The following CLIC5 variants were observed in gnomAD, a reference collection of about 807,000 sequenced individuals.
The protein encoded by CLIC5 is CLIC family member 5, also known as chloride intracellular channel protein 5.
A neutral mutation model predicts 24.7 loss-of-function variants in CLIC5; 20 were observed. The ratio of observed to expected loss-of-function variants is 0.81; its 90% CI spans 0.57 to 1.18. CLIC5 has a LOEUF of 1.18. Among genes scored for constraint, CLIC5 ranks in the 50% most tolerant of loss-of-function variants. The pLI is 0.00. For synonymous variants in CLIC5, 159 were observed against 135.6 expected, an observed-to-expected ratio of 1.17 and a Z score of -1.20; for missense variants, 341 against 326.1, an observed-to-expected ratio of 1.05 and a Z score of -0.35.
At chr6:45,974,927 G>A (rs1189345277) in intron 1 of CLIC5, among the ~76,000 whole-genome samples, 1 of 152,046 alleles carries the variant, frequency 6.6e-6, no homozygotes, top group African/African-American at 2.4e-5. Flanking sequence ...AGGAAGTTTT[G>A]CCTCAAAGTG....
chr6:45,898,362 C>T (rs990554588), downstream of CLIC5: 2 of 147,532 alleles, frequency 1.4e-5, no homozygotes, highest in Admixed American at 6.7e-5. Context: ...ATAAATTAAC[C>T]TTTATGTGGA....
chr6:46,052,283 A>G (rs1464226685), intron 1 of CLIC5, among the ~76,000 whole-genome samples: 1 of 152,232 alleles, frequency 6.6e-6, no homozygotes, highest in East Asian at 1.9e-4. Context: ...CACATTCACC[A>G]GCTCCCAAGC....
At chr6:45,907,315 T>C (rs1382921576) in intron 5 of CLIC5, among the ~76,000 whole-genome samples, 3 of 152,242 alleles carry the variant, frequency 2.0e-5, no homozygotes, top group African/African-American at 7.2e-5. Flanking sequence ...TCTGTTTATG[T>C]GGCGAATAAC....
intron 4 of CLIC5, among the ~76,000 whole-genome samples, chr6:45,925,093 T>C (rs1451749821): frequency 6.6e-6 from 1 of 152,198 alleles, no homozygotes; most frequent in East Asian, 1.9e-4. Flanking sequence ...CTCTACTCTC[T>C]GGACTTCTTG....
chr6:46,019,370 C>A (rs567825032), upstream of CLIC5, among the ~76,000 whole-genome samples: 1 of 152,246 alleles, frequency 6.6e-6, no homozygotes, highest in Non-Finnish European at 1.5e-5. Context: ...GATGGAAAAG[C>A]CCCTGCCATG....
chr6:45,941,468 T>C (rs1457328032), intron 4 of CLIC5, 79 bp downstream of exon 4: 13 of 1,091,098 alleles, frequency 1.2e-5, no homozygotes, highest in East Asian at 2.4e-5. Context: ...GTATTTGACA[T>C]GCCTATGGGC....
chr6:46,056,156 G>A (rs968043587), intron 1 of CLIC5, among the ~76,000 whole-genome samples: 1 of 152,118 alleles, frequency 6.6e-6, no homozygotes, highest in African/African-American at 2.4e-5. Flanking sequence ...AAAGTAATTT[G>A]ACTAAGATCA....
At chr6:46,012,852 GTTTA>G (rs1766854115) in intron 1 of CLIC5, among the ~76,000 whole-genome samples, 1 of 152,198 alleles carries the variant, frequency 6.6e-6, no homozygotes. Context: ...TGTGAATCCA[GTTTA>G]TTTGTTTTCT....
chr6:45,928,976 C>A (rs1364932622), intron 4 of CLIC5, among the ~76,000 whole-genome samples: 1 of 152,156 alleles, frequency 6.6e-6, no homozygotes, highest in African/African-American at 2.4e-5. Flanking sequence ...CCAGGCCAGG[C>A]CAGGAGAACT....
chr6:46,073,182 C>T (rs1562037612), intron 1 of CLIC5, among the ~76,000 whole-genome samples: 1 of 152,120 alleles, frequency 6.6e-6, no homozygotes, highest in South Asian at 2.1e-4. Flanking sequence ...TAAAACTGGG[C>T]CTTGATTGTG....
chr6:46,107,380 C>T, the CLIC5 span, among the ~76,000 whole-genome samples: 7 of 152,288 alleles, frequency 4.6e-5, no homozygotes, highest in African/African-American at 1.4e-4. Context: ...TTGTGCCTTC[C>T]GGCCTTGCTA....
At chr6:45,930,306 A>G (rs74708539) in intron 4 of CLIC5, among the ~76,000 whole-genome samples, 1 of 152,152 alleles carries the variant, frequency 6.6e-6, no homozygotes, top group East Asian at 1.9e-4. Context: ...TCGTAAATGT[A>G]AAGACTCGAG....
At chr6:45,906,974 A>G (rs932536573) in intron 5 of CLIC5, among the ~76,000 whole-genome samples, 1 of 152,218 alleles carries the variant, frequency 6.6e-6, no homozygotes, top group East Asian at 1.9e-4. Flanking sequence ...GTAAAGAGAG[A>G]GAATGTGACT....
rs1762496625 is a variant in CLIC5, at chr6:45,900,993, T to C, written c.*2095A>G. The C allele has an allele frequency of 7.9e-5, 12 of 152,210 alleles. No homozygotes were observed. Among genetic ancestry groups the C allele is most frequent in the Admixed American group, 7.9e-4 (12 of 15,282 alleles). 9.4% of individuals were successfully genotyped at this position (152,210 alleles called of 1,614,324 possible). The stretch of plus-strand genomic sequence containing the variant: ...CAATTGGCTATGATTCACAGATGTG[T>C]TTCCAGAACAGCCCAACTGTGGGTC... On this transcript the variant is annotated 3_prime_UTR_variant, in exon 6 of 6. Coordinates refer to ENST00000339561, the MANE Select transcript of CLIC5 (RefSeq NM_016929.5).
At chr6:45,889,330 G>A (rs1416546932) in intron 6 of CLIC5, among the ~76,000 whole-genome samples, 1 of 152,014 alleles carries the variant, frequency 6.6e-6, no homozygotes, top group Non-Finnish European at 1.5e-5. Flanking sequence ...TCCTATTCCT[G>A]AGAGCTCTAC....
chr6:46,104,996 T>C, the CLIC5 span, among the ~76,000 whole-genome samples: 5 of 152,170 alleles, frequency 3.3e-5, no homozygotes, highest in African/African-American at 1.2e-4. Context: ...TTGAAGTTTG[T>C]GTGACTTTTG....
chr6:45,882,979 T>C (rs1762275848), intron 6 of CLIC5, among the ~76,000 whole-genome samples: 1 of 152,138 alleles, frequency 6.6e-6, no homozygotes, highest in Non-Finnish European at 1.5e-5. Flanking sequence ...CCATGCAAAG[T>C]GCTAAATTAG....
At chr6:46,033,403 C>G (rs946586427) in intron 1 of CLIC5, among the ~76,000 whole-genome samples, 3 of 152,048 alleles carry the variant, frequency 2.0e-5, no homozygotes, top group African/African-American at 2.4e-5. Context: ...TTTGGGCAGT[C>G]AGAGCTGACT....
chr6:45,923,890 T>C (rs905795410), intron 4 of CLIC5, among the ~76,000 whole-genome samples: 4 of 152,192 alleles, frequency 2.6e-5, no homozygotes, highest in Non-Finnish European at 4.4e-5. Flanking sequence ...ACATACTAGC[T>C]TGGGCAGGTT....
Sources: gnomAD v4.1 joint callset for allele counts (sites outside exome capture counted in the v4.1 genomes callset) on GRCh38, gnomAD v4.1.1 for gene constraint, MANE v1.5 for transcripts, NCBI Gene and HGNC (gene_info 2026-07-23, HGNC 2026-07-21) for gene names.